RGS6: variants seen among roughly 807,000 people sequenced by gnomAD.
RGS6 encodes regulator of G-protein signaling 6.
In RGS6, 30 loss-of-function variants were observed where a neutral mutation model predicts 78.5. The observed-to-expected ratio is 0.38, with a 90% CI of 0.29 to 0.52. RGS6 has a LOEUF of 0.52. RGS6 is among the 20% of genes least tolerant of loss of function. The probability of loss-of-function intolerance (pLI) is 0.85; values close to 1 mark genes in which losing one functional copy is unlikely to be tolerated. For missense variants in RGS6, 495 were observed against 609.7 expected (o/e 0.81, Z 1.98); for synonymous variants, 206 against 206.0 (o/e 1.00, Z 0.00).
intron 2 of RGS6, among the ~76,000 whole-genome samples, chr14:72,323,707 CAGG>C (rs765683374): frequency 1.4e-5 from 2 of 142,536 alleles, no homozygotes; most frequent in Non-Finnish European, 3.0e-5. Flanking sequence ...GAGGCTTAGG[CAGG>C]AGAATTGCTT....
chr14:72,024,960 G>A (rs770140549), intron 2 of RGS6, among the ~76,000 whole-genome samples: 1 of 152,198 alleles, frequency 6.6e-6, no homozygotes, highest in Non-Finnish European at 1.5e-5. Context: ...CAGTTGCAAA[G>A]AAATACTTAG....
intron 2 of RGS6, among the ~76,000 whole-genome samples, chr14:72,109,578 TG>T (rs2095708189): frequency 6.6e-6 from 1 of 152,240 alleles, no homozygotes; most frequent in African/African-American, 2.4e-5. Context: ...GATGCATAAA[TG>T]TATTCTCTTT....
chr14:71,948,708 C>T (rs1049411100), intron 1 of RGS6, among the ~76,000 whole-genome samples: 2 of 142,964 alleles, frequency 1.4e-5, no homozygotes, highest in Non-Finnish European at 3.0e-5. Context: ...CCATTGGTAA[C>T]TGCTAAGCTG....
At chr14:72,261,954 A>C (rs933786391) in intron 2 of RGS6, among the ~76,000 whole-genome samples, 9 of 152,208 alleles carry the variant, frequency 5.9e-5, no homozygotes, top group African/African-American at 1.9e-4. Flanking sequence ...ATCTTTAGTC[A>C]TGGTGATTTC....
rs933489150 is a variant in RGS6, at chr14:72,033,563, A to G, written c.84+68688A>G. On this transcript the variant is annotated intron_variant, in intron 2 of 17. Transcript: ENST00000553525. ...GCTTTGGTTATTTACCCTCATGATC[A>G]TGTGGCTGACTGGAAATGGTGGCTC... 2.6e-5 allele frequency among the ~76,000 whole-genome samples: 4 copies of G among 152,146 alleles called. No individual in the cohort carries two copies. In the East Asian group the frequency reaches 5.8e-4, roughly 22 times the overall value.
At chr14:72,069,530 AGAT>A (rs1373295814) in intron 2 of RGS6, among the ~76,000 whole-genome samples, 3 of 151,914 alleles carry the variant, frequency 2.0e-5, no homozygotes, top group African/African-American at 7.3e-5. Context: ...TATTAATCAT[AGAT>A]GATTTTTTAA....
intron 3 of RGS6, among the ~76,000 whole-genome samples, chr14:72,371,460 G>A (rs956138220): frequency 8.6e-5 from 13 of 152,014 alleles, no homozygotes; most frequent in African/African-American, 2.4e-4. Flanking sequence ...CTTTTTAAAC[G>A]TTTCTATTAA....
chr14:71,996,480 G>A (rs1008281428), intron 2 of RGS6, among the ~76,000 whole-genome samples: 10 of 152,072 alleles, frequency 6.6e-5, no homozygotes, highest in Admixed American at 6.6e-4. Context: ...GGAGCTGGGG[G>A]ATTACCGGTG....
chr14:72,296,588 T>C (rs1014494012), intron 2 of RGS6, among the ~76,000 whole-genome samples: 1 of 152,248 alleles, frequency 6.6e-6, no homozygotes, highest in Non-Finnish European at 1.5e-5. Context: ...GATTGCCTTT[T>C]CTAAGTGCTT....
At chr14:72,097,509 G>T (rs2095433372) in intron 2 of RGS6, among the ~76,000 whole-genome samples, 1 of 152,116 alleles carries the variant, frequency 6.6e-6, no homozygotes, top group South Asian at 2.1e-4. Flanking sequence ...AAATCCTTAG[G>T]GATCTCCAGA....
intron 2 of RGS6, among the ~76,000 whole-genome samples, chr14:72,057,767 T>G (rs1019867666): frequency 6.6e-6 from 1 of 152,218 alleles, no homozygotes; most frequent in African/African-American, 2.4e-5. Flanking sequence ...TGGTACAAAG[T>G]CAGCAGCTCA....
At chr14:72,321,433 A>C (rs1595772685) in intron 2 of RGS6, among the ~76,000 whole-genome samples, 3 of 152,048 alleles carry the variant, frequency 2.0e-5, no homozygotes, top group East Asian at 3.8e-4. Context: ...TAATAAAGTA[A>C]AACTTAACCA....
chr14:72,509,322 G>A (rs1030692016), intron 13 of RGS6, among the ~76,000 whole-genome samples: 3 of 148,890 alleles, frequency 2.0e-5, no homozygotes, highest in Non-Finnish European at 4.4e-5. Context: ...CCACAATCAC[G>A]CCACTGCACT....
the RGS6 span, among the ~76,000 whole-genome samples, chr14:71,876,473 CTT>C: frequency 5.5e-5 from 4 of 72,490 alleles, no homozygotes; most frequent in African/African-American, 1.2e-4. Flanking sequence ...GCAACCGCTG[CTT>C]TTTTTTTTTT....
At chr14:72,121,416 G>A (rs2096049745) in intron 2 of RGS6, among the ~76,000 whole-genome samples, 1 of 152,126 alleles carries the variant, frequency 6.6e-6, no homozygotes, top group Non-Finnish European at 1.5e-5. Flanking sequence ...TTCCATTGTA[G>A]GCCTGTCTAC....
At chr14:72,453,201 G>A (rs1334831765) in intron 3 of RGS6, among the ~76,000 whole-genome samples, 1 of 152,162 alleles carries the variant, frequency 6.6e-6, no homozygotes, top group Non-Finnish European at 1.5e-5. Context: ...GTCAGGCTGG[G>A]TAGGGGGGAG....
At chr14:72,273,142 AAG>A (rs1323377203) in intron 2 of RGS6, among the ~76,000 whole-genome samples, 12 of 151,348 alleles carry the variant, frequency 7.9e-5, no homozygotes, top group Non-Finnish European at 7.4e-5. Context: ...CAAAAAAAAA[AAG>A]AAAGAAAGAA....
chr14:72,399,434 G>A (rs567937409), intron 3 of RGS6, among the ~76,000 whole-genome samples: 2,371 of 152,006 alleles, frequency 0.016, 71 homozygotes, highest in African/African-American at 0.055. Flanking sequence ...GTCTCTGCAC[G>A]TGAGATGGGT....
intron 2 of RGS6, among the ~76,000 whole-genome samples, chr14:72,206,984 T>C (rs995831419): frequency 6.6e-6 from 1 of 152,222 alleles, no homozygotes; most frequent in Non-Finnish European, 1.5e-5. Flanking sequence ...GGTTGCTTCC[T>C]GCTTTGCTGT....
Sources: gnomAD v4.1 joint callset for allele counts (sites outside exome capture counted in the v4.1 genomes callset) on GRCh38, gnomAD v4.1.1 for gene constraint, MANE v1.5 for transcripts, NCBI Gene and HGNC (gene_info 2026-07-23, HGNC 2026-07-21) for gene names.